SLIT3: variants seen among roughly 807,000 people sequenced by gnomAD.
SLIT3 encodes slit homolog 3 protein.
SLIT3 carries 68 observed loss-of-function variants against 184.0 expected under a neutral mutation model. That is an observed-to-expected ratio of 0.37 (90% CI 0.30 to 0.45). SLIT3 has a LOEUF of 0.45. Ranked by LOEUF, SLIT3 falls within the 20% of genes least tolerant of loss-of-function variation. The pLI is 1.00. For missense variants in SLIT3, 1,707 were observed against 2,026.0 expected, an observed-to-expected ratio of 0.84 and a Z score of 3.02; for synonymous variants, 831 against 828.6, an observed-to-expected ratio of 1.00 and a Z score of -0.05.
At chr5:169,215,403 A>G (rs924168905) in intron 3 of SLIT3, among the ~76,000 whole-genome samples, 4 of 152,166 alleles carry the variant, frequency 2.6e-5, no homozygotes, top group African/African-American at 4.8e-5. Context: ...TTATTTTACT[A>G]TAATTTTCTA....
intron 4 of SLIT3, among the ~76,000 whole-genome samples, chr5:169,125,149 G>A (rs1581434139): frequency 6.6e-6 from 1 of 152,286 alleles, no homozygotes; most frequent in East Asian, 1.9e-4. Context: ...CCTGGTTCAA[G>A]TGATTCTCTT....
At chr5:169,014,036 A>T (rs1376285987) in intron 4 of SLIT3, among the ~76,000 whole-genome samples, 3 of 152,120 alleles carry the variant, frequency 2.0e-5, no homozygotes, top group Non-Finnish European at 1.5e-5. Context: ...AAAAACTTTG[A>T]GGTCTGCCTG....
chr5:169,254,637 G>C (rs977014492), intron 1 of SLIT3, among the ~76,000 whole-genome samples: 6 of 152,278 alleles, frequency 3.9e-5, no homozygotes, highest in Middle Eastern at 3.4e-3. Context: ...GGCAATAGGG[G>C]AGGGGCTTGC....
chr5:169,071,257 C>T (rs1379218240), intron 4 of SLIT3, among the ~76,000 whole-genome samples: 1 of 152,198 alleles, frequency 6.6e-6, no homozygotes, highest in African/African-American at 2.4e-5. Flanking sequence ...CTGAATGGGG[C>T]TCATGTAATG....
intron 6 of SLIT3, among the ~76,000 whole-genome samples, chr5:168,823,615 T>C (rs1197907154): frequency 1.3e-5 from 2 of 152,222 alleles, no homozygotes; most frequent in Admixed American, 1.3e-4. Flanking sequence ...TCCTATGCAC[T>C]GAGTGCTTCA....
At chr5:168,967,949 C>G (rs565552091) in intron 4 of SLIT3, among the ~76,000 whole-genome samples, 1 of 152,194 alleles carries the variant, frequency 6.6e-6, no homozygotes. Flanking sequence ...CTAGCACTTT[C>G]GTGCCTGCAC....
chr5:169,210,716 G>C (rs1220563605), intron 3 of SLIT3, among the ~76,000 whole-genome samples: 1 of 152,166 alleles, frequency 6.6e-6, no homozygotes, highest in Non-Finnish European at 1.5e-5. Context: ...CAAAGTAAGA[G>C]GAGAAACAGG....
chr5:169,160,684 C>T (rs1762448689), intron 4 of SLIT3, among the ~76,000 whole-genome samples: 1 of 152,204 alleles, frequency 6.6e-6, no homozygotes, highest in Non-Finnish European at 1.5e-5. Flanking sequence ...ACAACCCTAT[C>T]CCTCCCAGCA....
chr5:169,172,316 T>C (rs891514652), intron 4 of SLIT3, among the ~76,000 whole-genome samples: 1 of 152,236 alleles, frequency 6.6e-6, no homozygotes, highest in African/African-American at 2.4e-5. Flanking sequence ...GTTTAACCTA[T>C]GAATTAACCT....
At chr5:169,049,593 C>T (rs1270019029) in intron 4 of SLIT3, among the ~76,000 whole-genome samples, 1 of 152,176 alleles carries the variant, frequency 6.6e-6, no homozygotes, top group Non-Finnish European at 1.5e-5. Context: ...AGGAACAGAA[C>T]ATCAGAAATT....
intron 32 of SLIT3, among the ~76,000 whole-genome samples, chr5:168,681,138 G>C (rs969482282): frequency 1.3e-5 from 2 of 152,226 alleles, no homozygotes; most frequent in African/African-American, 4.8e-5. Flanking sequence ...GACACAGTGA[G>C]ACACTGTCTC....
intron 4 of SLIT3, among the ~76,000 whole-genome samples, chr5:169,048,645 T>C (rs1274850515): frequency 2.0e-5 from 3 of 152,184 alleles, no homozygotes; most frequent in Non-Finnish European, 4.4e-5. Context: ...CCTTTTTGAG[T>C]ATAAAAAGCA....
At chr5:168,697,384 T>C (rs1202436840) in intron 27 of SLIT3, among the ~76,000 whole-genome samples, 2 of 152,158 alleles carry the variant, frequency 1.3e-5, no homozygotes, top group Non-Finnish European at 2.9e-5. Flanking sequence ...GGACTGGGCG[T>C]GCAAGATCGG....
intron 12 of SLIT3, 150 bp from the exon 13 acceptor site, chr5:168,774,528 C>G: frequency 1.2e-6 from 1 of 837,028 alleles, no homozygotes; most frequent in Non-Finnish European, 1.9e-6. Flanking sequence ...AGAGAGAGAC[C>G]TGCCTTCCTG....
rs1379620105 is a variant in SLIT3 at position 168,752,820 on chromosome 5, T to C, written c.1973+135A>G. Reference sequence around the variant, plus strand: ...ACCTAGACGATGCCTGCCTGGCACATACAGAAAGCCTGACGAGTTTTTAAG... The same window carrying C: ...ACCTAGACGATGCCTGCCTGGCACACACAGAAAGCCTGACGAGTTTTTAAG... On this transcript the variant is annotated intron_variant, in intron 18 of 35. Transcript: ENST00000519560. 13 of 845,050 alleles carry C rather than the reference T, an allele frequency of 1.5e-5. No individual in the cohort carries two copies. In the Admixed American group the frequency reaches 3.2e-4, roughly 21 times the overall value. The allele number at this position is 845,050 out of a possible 1,614,324, so 52.3% of individuals were successfully genotyped here. A position where few individuals can be genotyped will look rare whatever the true frequency, so the allele number is the denominator to read the frequency against.
chr5:169,004,724 G>A (rs1176163135), intron 4 of SLIT3, among the ~76,000 whole-genome samples: 1 of 152,074 alleles, frequency 6.6e-6, no homozygotes, highest in African/African-American at 2.4e-5. Flanking sequence ...GAAGGAATTA[G>A]GTATAGATGA....
At chr5:168,985,622 C>A (rs1411568468) in intron 4 of SLIT3, among the ~76,000 whole-genome samples, 1 of 152,172 alleles carries the variant, frequency 6.6e-6, no homozygotes, top group Non-Finnish European at 1.5e-5. Context: ...GTGGTCTGGG[C>A]TAAGGCAATT....
intron 5 of SLIT3, among the ~76,000 whole-genome samples, chr5:168,852,157 T>C (rs1291035596): frequency 2.0e-5 from 3 of 152,204 alleles, no homozygotes; most frequent in Non-Finnish European, 4.4e-5. Context: ...GTTACACTCT[T>C]GAGCGATAAC....
chr5:168,981,212 A>G (rs1456872576), intron 4 of SLIT3, among the ~76,000 whole-genome samples: 1 of 152,226 alleles, frequency 6.6e-6, no homozygotes, highest in Non-Finnish European at 1.5e-5. Context: ...TTTGTGTAGC[A>G]TGTAATTTGG....
Sources: allele counts gnomAD v4.1 joint callset (sites outside exome capture counted in the v4.1 genomes callset), GRCh38; gene constraint gnomAD v4.1.1; transcripts MANE v1.5; gene names NCBI Gene and HGNC (gene_info 2026-07-23, HGNC 2026-07-21).